The following KAZN variants were observed in gnomAD, a reference collection of about 807,000 sequenced individuals.
KAZN encodes the protein kazrin, periplakin interacting protein.
Under a neutral mutation model 87.4 loss-of-function variants are expected in KAZN, and 40 were observed. That is an observed-to-expected ratio of 0.46 (90% CI 0.36 to 0.60). The LOEUF is 0.60. Ranked by LOEUF, KAZN falls within the 20% of genes least tolerant of loss-of-function variation. The pLI is 0.00. For synonymous variants in KAZN, 466 were observed against 458.3 expected (o/e 1.02, Z -0.22); for missense variants, 898 against 1,073.9 (o/e 0.84, Z 2.29).
chr1:14,643,415 T>TGTGGTATTCA (rs1319061311), intron 1 of KAZN, among the ~76,000 whole-genome samples: 2 of 152,230 alleles, frequency 1.3e-5, no homozygotes, highest in Non-Finnish European at 2.9e-5. Flanking sequence ...AGTGAGAACA[T>TGTGGTATTCA]GTGGTATTCA....
chr1:15,066,671 G>T lies in KAZN; in HGVS notation c.1222+918G>T, dbSNP rs1272915939. On this transcript the variant is annotated intron_variant, in intron 8 of 14. Coordinates refer to ENST00000376030, the MANE Select transcript of KAZN (RefSeq NM_201628.3). This position sits in a 1 kb window ranked among gnomAD's most constrained non-coding sequence, Gnocchi z 4.3. ...ATTGGAATGTCTATTTTTCCATGGGGTGGGCGGGAGGTGGGTGTCTCTGTT... is the reference window on the plus strand; with the variant it reads ...ATTGGAATGTCTATTTTTCCATGGGTTGGGCGGGAGGTGGGTGTCTCTGTT... The T allele has an allele frequency of 3.0e-6, 3 of 985,032 alleles. No homozygotes were observed. Among genetic ancestry groups the T allele is most frequent in the Non-Finnish European group, 3.6e-6 (3 of 829,784 alleles). The allele number at this position is 985,032 out of a possible 1,614,324, so 61.0% of individuals were successfully genotyped here. A position where few individuals can be genotyped will look rare whatever the true frequency, so the allele number is the denominator to read the frequency against.
chr1:15,039,965 T>TA (rs367616619), intron 3 of KAZN, among the ~76,000 whole-genome samples: 38 of 152,310 alleles, frequency 2.5e-4, no homozygotes, highest in African/African-American at 7.5e-4. Flanking sequence ...ATACTGATTT[T>TA]AAAAAAATTA....
intron 1 of KAZN, among the ~76,000 whole-genome samples, chr1:14,772,079 G>T (rs999690204): frequency 1.3e-5 from 2 of 152,068 alleles, no homozygotes; most frequent in Non-Finnish European, 2.9e-5. Flanking sequence ...ACCTTGATCG[G>T]GTCCTAATGG....
intron 1 of KAZN, among the ~76,000 whole-genome samples, chr1:14,885,034 C>T (rs547000005): frequency 6.5e-4 from 99 of 152,210 alleles, no homozygotes; most frequent in East Asian, 1.7e-3. Context: ...CTATTGTTCA[C>T]GGGAAAATGC....
intron 2 of KAZN, among the ~76,000 whole-genome samples, chr1:14,444,821 C>T (rs554739398): frequency 1.8e-4 from 27 of 152,310 alleles, no homozygotes; most frequent in African/African-American, 6.3e-4. Flanking sequence ...TATCTAATCA[C>T]CGCACTAGCC....
chr1:14,521,973 T>C (rs1008939002), intron 2 of KAZN, among the ~76,000 whole-genome samples: 1 of 152,192 alleles, frequency 6.6e-6, no homozygotes, highest in African/African-American at 2.4e-5. Flanking sequence ...AATGTGAACT[T>C]TTGAGATTAC....
At chr1:13,938,612 A>C (rs1640826208) in intron 1 of KAZN, among the ~76,000 whole-genome samples, 1 of 152,228 alleles carries the variant, frequency 6.6e-6, no homozygotes, top group Non-Finnish European at 1.5e-5. Flanking sequence ...GAACCCTCAC[A>C]GATAATCTTT....
At chr1:15,036,141 CCT>C (rs1354413367) in intron 3 of KAZN, among the ~76,000 whole-genome samples, 5 of 152,072 alleles carry the variant, frequency 3.3e-5, no homozygotes, top group African/African-American at 1.2e-4. Context: ...CACCACAGCC[CCT>C]GATGGGGATC....
intron 2 of KAZN, among the ~76,000 whole-genome samples, chr1:14,511,716 T>G (rs1670915549): frequency 6.6e-6 from 1 of 152,298 alleles, no homozygotes; most frequent in Non-Finnish European, 1.5e-5. Context: ...AGTGATTATG[T>G]TATTATATGT....
chr1:14,369,420 A>C (rs1660289544), intron 2 of KAZN, among the ~76,000 whole-genome samples: 1 of 152,146 alleles, frequency 6.6e-6, no homozygotes, highest in East Asian at 1.9e-4. Context: ...ATCTGTGGAG[A>C]AATCTGTGGA....
At chr1:14,553,227 A>G (rs1268080796) in intron 2 of KAZN, among the ~76,000 whole-genome samples, 1 of 152,102 alleles carries the variant, frequency 6.6e-6, no homozygotes, top group African/African-American at 2.4e-5. Context: ...ACACAAAAAA[A>G]TTACCCAGCC....
At chr1:14,537,993 T>C (rs1322910241) in intron 2 of KAZN, among the ~76,000 whole-genome samples, 2 of 152,202 alleles carry the variant, frequency 1.3e-5, no homozygotes, top group Non-Finnish European at 2.9e-5. Flanking sequence ...GCAGGCATCT[T>C]TGGGTGGGGA....
At chr1:14,778,893 TG>T (rs1557481100) in intron 1 of KAZN, among the ~76,000 whole-genome samples, 1 of 152,136 alleles carries the variant, frequency 6.6e-6, no homozygotes, top group African/African-American at 2.4e-5. Context: ...GGACAGCAGC[TG>T]GGCTGAGATG....
At chr1:14,211,957 A>G (rs182045708) in intron 2 of KAZN, among the ~76,000 whole-genome samples, 1 of 151,948 alleles carries the variant, frequency 6.6e-6, no homozygotes, top group East Asian at 1.9e-4. Context: ...TGGTTCCCAC[A>G]TGTATACAGA....
chr1:14,335,464 A>C (rs1214745038), intron 2 of KAZN, among the ~76,000 whole-genome samples: 2 of 151,780 alleles, frequency 1.3e-5, no homozygotes, highest in South Asian at 2.1e-4. Flanking sequence ...CAGCCTTCCA[A>C]AGTGCTAGGA....
intron 2 of KAZN, among the ~76,000 whole-genome samples, chr1:14,576,385 GTGGATGGA>G (rs113680816): frequency 2.0e-5 from 3 of 150,708 alleles, no homozygotes; most frequent in Non-Finnish European, 4.4e-5. Flanking sequence ...GGATGGCTGG[GTGGATGGA>G]TGGATGGATG....
chr1:14,634,483 A>C (rs1243455858), intron 1 of KAZN, among the ~76,000 whole-genome samples: 1 of 152,240 alleles, frequency 6.6e-6, no homozygotes, highest in Non-Finnish European at 1.5e-5. Flanking sequence ...CAGCACTGCA[A>C]ATAAGGTCCA....
In KAZN at chr1:14,353,689, A is replaced by G. The variant is rs890800920; in HGVS notation, c.249+173097A>G. Among the ~76,000 whole-genome samples the G allele has an allele frequency of 2.7e-4, 41 of 152,260 alleles. 1 individual carries two copies. Among genetic ancestry groups the G allele is most frequent in the Non-Finnish European group, 1.5e-4 (10 of 68,050 alleles). On this transcript the variant is annotated intron_variant, in intron 2 of 16. Coordinates refer to the KAZN transcript ENST00000636203. ...GCAAAATAAAAATATCATTTAAAAT[A>G]GCATTCAAAACTACAAAATATTTGG...
rs199796496 is a variant in KAZN, at chr1:13,963,757, GTC to G, written c.91+70003_91+70004del. Among the ~76,000 whole-genome samples the G allele has an allele frequency of 6.8e-3, 576 of 84,964 alleles. 5 individuals carry two copies. Among genetic ancestry groups the G allele is most frequent in the African/African-American group, 0.032 (550 of 17,198 alleles). 55.7% of individuals were successfully genotyped at this position (84,964 alleles called of 152,430 possible). A position where few individuals can be genotyped will look rare whatever the true frequency, so the allele number is the denominator to read the frequency against. On this transcript the variant is annotated intron_variant, in intron 1 of 16. Coordinates refer to the KAZN transcript ENST00000636203. ...TAAAGGGTTAAATGTTTCTGCTGTG[GTC>G]TGTGTGTGTGTGTGTGTGTGTGTGT... is the stretch of plus-strand genomic sequence containing the variant.
Sources: allele counts gnomAD v4.1 joint callset (sites outside exome capture counted in the v4.1 genomes callset), GRCh38; gene constraint gnomAD v4.1.1; non-coding constraint Gnocchi (gnomAD v3.1); transcripts MANE v1.5; gene names NCBI Gene and HGNC (gene_info 2026-07-23, HGNC 2026-07-21).